Variants in CARD10 observed in about 807,000 individuals in gnomAD.
The protein encoded by CARD10 is caspase recruitment domain family member 10.
CARD10 carries 49 observed loss-of-function variants against 114.6 expected under a neutral mutation model. That is an observed-to-expected ratio of 0.43 (90% CI 0.34 to 0.54). CARD10 has a LOEUF of 0.54. Among genes scored for constraint, CARD10 ranks in the 20% least tolerant of loss-of-function variants. CARD10 has a pLI of 0.03. For missense variants in CARD10, 1,206 were observed against 1,397.2 expected (o/e 0.86, Z 2.18); for synonymous variants, 602 against 593.2 (o/e 1.01, Z -0.21).
chr22:37,512,464 TCCACACACACACACACAC>T (rs1923690579), intron 3 of CARD10, among the ~76,000 whole-genome samples: 1 of 43,152 alleles, frequency 2.3e-5, no homozygotes. Flanking sequence ...CAGCCCCCCC[TCCACACACACACACACAC>T]ACACACACAC....
At position 37,492,834 on chromosome 22, in the gene CARD10, G is replaced by A. The variant is rs1601807323; in HGVS notation, c.2477-32C>T. 6.3e-7 allele frequency: 1 copy of A among 1,599,142 alleles called. No individual in the cohort carries two copies. ...CAGGGGAGGGGCGCAAAAGAGATAAGGGCACAGGCAGGCAGCATACCAGCT... is the reference window on the plus strand; with the variant it reads ...CAGGGGAGGGGCGCAAAAGAGATAAAGGCACAGGCAGGCAGCATACCAGCT... On this transcript the variant is annotated intron_variant, in intron 16 of 19. Transcript: ENST00000251973. This position sits in a 1 kb window ranked among gnomAD's most constrained non-coding sequence, Gnocchi z 5.7.
intron 11 of CARD10, among the ~76,000 whole-genome samples, chr22:37,499,267 TC>T (rs1923126009): frequency 6.6e-6 from 1 of 151,682 alleles, no homozygotes; most frequent in Admixed American, 6.6e-5. Context: ...TCCACCCACC[TC>T]CCTGGCTACT....
At chr22:37,491,596 GGAGAA>G (rs1922790128) in intron 19 of CARD10, among the ~76,000 whole-genome samples, 154 bp downstream of exon 19, 1 of 654 alleles carries the variant, frequency 1.5e-3, no homozygotes. Flanking sequence ...AGAGAGAGGG[GGAGAA>G]GGAGGGGGGA....
At chr22:37,506,801 A>G (rs1477263440) in intron 6 of CARD10, among the ~76,000 whole-genome samples, 1 of 152,202 alleles carries the variant, frequency 6.6e-6, no homozygotes, top group Non-Finnish European at 1.5e-5. Flanking sequence ...AGTGAAGACC[A>G]GGGGCTCCAG....
intron 11 of CARD10, among the ~76,000 whole-genome samples, chr22:37,500,895 T>C (rs1354523265): frequency 6.6e-6 from 1 of 151,920 alleles, no homozygotes; most frequent in East Asian, 1.9e-4. Context: ...GAAGGGATAC[T>C]CAAACCCCCA....
Position 37,492,904 on chromosome 22 carries a change from T to A in CARD10, c.2477-102A>T. 1 of 1,252,140 alleles carries A rather than the reference T, an allele frequency of 8.0e-7. No individual in the cohort carries two copies. The highest frequency in any genetic ancestry group is 1.1e-6 in the Non-Finnish European group (1 of 908,760). The allele number at this position is 1,252,140 out of a possible 1,614,324, so 77.6% of individuals were successfully genotyped here. The stretch of plus-strand genomic sequence containing the variant: ...ACCCCGCCACCCATCCCTTCCTAAG[T>A]CCTGCTGCTGCTCCTCCTACACATG... On this transcript the variant is annotated intron_variant, in intron 16 of 19. Transcript: ENST00000251973. The surrounding 1 kb of genome is among the most constrained non-coding windows in gnomAD (Gnocchi z 5.7).
rs367987784 is a variant in CARD10, at chr22:37,492,571, G to C, written c.2636-21C>G. ...GCTTTCTGCACAGGGAGTGGAGAGGGAGAGATGAAGGATCCATGGGCCCGG... is the reference window on the plus strand; with the variant it reads ...GCTTTCTGCACAGGGAGTGGAGAGGCAGAGATGAAGGATCCATGGGCCCGG... On this transcript the variant is annotated intron_variant, in intron 17 of 19. Coordinates refer to ENST00000251973, the MANE Select transcript of CARD10 (RefSeq NM_014550.4). The surrounding 1 kb of genome is among the most constrained non-coding windows in gnomAD (Gnocchi z 5.7). 3 of 1,602,886 alleles carry C rather than the reference G, an allele frequency of 1.9e-6. No individual in the cohort carries two copies. In the South Asian group the frequency reaches 3.3e-5, roughly 18 times the overall value.
At chr22:37,517,906 G>C in intron 2 of CARD10, 65 bp downstream of exon 2, 2 of 1,576,338 alleles carry the variant, frequency 1.3e-6, no homozygotes, top group East Asian at 2.3e-5. Context: ...CTCCCTAACA[G>C]GGATGGGGAA....
At chr22:37,495,644 C>A in intron 14 of CARD10, 58 bp from the exon 15 acceptor site, 1 of 1,611,148 alleles carries the variant, frequency 6.2e-7, no homozygotes, top group South Asian at 1.1e-5. Context: ...CATTTCTCCT[C>A]GAACCCCCCG....
At position 37,491,750 on chromosome 22, in the gene CARD10, C is replaced by T. The variant is rs2145749891; in HGVS notation, c.2864+5G>A. On this transcript the variant is annotated splice_donor_5th_base_variant and intron_variant, in intron 19 of 19. Coordinates refer to ENST00000251973, the MANE Select transcript of CARD10 (RefSeq NM_014550.4). The stretch of plus-strand genomic sequence containing the variant: ...CCTGCCCACTGCCCCACCCACCCAC[C>T]TCACCTGACTTCCCGGACATTCTTC... 7.4e-7 allele frequency: 1 copy of T among 1,352,656 alleles called. No individual in the cohort carries two copies. 83.8% of individuals were successfully genotyped at this position (1,352,656 alleles called of 1,614,324 possible).
In CARD10 at chr22:37,507,829, C is replaced by T. The variant is rs1923464872; in HGVS notation, c.1191G>A (p.Gln397=). 6 of 1,614,044 alleles carry T rather than the reference C, an allele frequency of 3.7e-6. No individual in the cohort carries two copies. The highest frequency in any genetic ancestry group is 5.1e-6 in the Non-Finnish European group (6 of 1,179,994). ...QLEEIEKERD[Q]AIQSRDRIQL... ...CCTCGTACACGCAGGCTGGGCTCAC[C>T]TGGTCTCGCTCCTTCTCAATCTCCT... Residue 397 remains glutamine (Q), a splice_region_variant and synonymous_variant, in exon 6 of 20, where the codon CAG becomes CAA. Coordinates refer to ENST00000251973, the MANE Select transcript of CARD10 (RefSeq NM_014550.4).
At chr22:37,508,482 C>T in intron 5 of CARD10, 45 bp downstream of exon 5, 1 of 1,538,438 alleles carries the variant, frequency 6.5e-7, no homozygotes, top group Non-Finnish European at 8.7e-7. Flanking sequence ...CAGGCCCTGC[C>T]TGACACCCTC....
chr22:37,497,385 C>A, intron 11 of CARD10: 1 of 613,128 alleles, frequency 1.6e-6, no homozygotes, highest in Non-Finnish European at 2.8e-6. Context: ...AGCAGCCTCT[C>A]CCCTGGACCT....
Position 37,491,317 on chromosome 22 carries a change from C to T in CARD10, c.2941G>A (p.Gly981Arg), listed in dbSNP as rs1463901551. The T allele has an allele frequency of 6.4e-7, 1 of 1,561,794 alleles. No individual in the cohort carries two copies. The highest frequency in any genetic ancestry group is 1.2e-5 in the South Asian group (1 of 85,652). The change falls in exon 20 of 20, where the codon GGG becomes AGG. Residue 981 changes from glycine (G) to arginine (R), a missense_variant. Gly to Arg is a moderately radical substitution (Grantham distance 125, BLOSUM62 -2). Coordinates refer to ENST00000251973, the MANE Select transcript of CARD10 (RefSeq NM_014550.4). ...ACCTGCACCCAGGAGCAGGGCAGCC[C>T]CCAGAGCACCTGCTCTGAGCCACGG... Reference protein sequence around the residue: ...QCRGSEQVLWGLPCSWVQVPA... With the variant: ...QCRGSEQVLWRLPCSWVQVPA...
chr22:37,508,341 C>G (rs929401472), intron 5 of CARD10, among the ~76,000 whole-genome samples, 186 bp downstream of exon 5: 20 of 152,230 alleles, frequency 1.3e-4, no homozygotes, highest in African/African-American at 4.6e-4. Context: ...AAGGAAAAGG[C>G]ACCTTTGTTT....
In CARD10 at chr22:37,492,683, G is replaced by C; in HGVS notation, c.2596C>G (p.Leu866Val). 2 of 1,613,170 alleles carry C rather than the reference G, an allele frequency of 1.2e-6. No individual in the cohort carries two copies. The highest frequency in any genetic ancestry group is 1.7e-6 in the Non-Finnish European group (2 of 1,179,910). ...TGGAAGTCCAGCCGGGAGCTGGGCAGGTCTAGCAGGTTACGGATGAGCCGG... is the reference window on the plus strand; with the variant it reads ...TGGAAGTCCAGCCGGGAGCTGGGCACGTCTAGCAGGTTACGGATGAGCCGG... Reference protein sequence around the residue: ...APRLIRNLLDLPSSRLDFQVC... With the variant: ...APRLIRNLLDVPSSRLDFQVC... The change falls in exon 17 of 20, where the codon CTG becomes GTG. Residue 866 changes from leucine (L) to valine (V), a missense_variant. Physicochemically the swap from Leu to Val is conservative, Grantham distance 32 (BLOSUM62 1). Coordinates refer to ENST00000251973, the MANE Select transcript of CARD10 (RefSeq NM_014550.4). The surrounding 1 kb of genome is among the most constrained non-coding windows in gnomAD (Gnocchi z 5.7).
intron 15 of CARD10, 105 bp downstream of exon 15, chr22:37,495,411 GA>G: frequency 1.2e-6 from 1 of 805,682 alleles, no homozygotes. Flanking sequence ...ACCAGGGAAG[GA>G]GGGAGGGAGT....
At position 37,497,117 on chromosome 22, in the gene CARD10, C is replaced by T. The variant is rs773974916; in HGVS notation, c.1849G>A (p.Gly617Arg). ...CCATAAAACGACAGTCCATCTGGTC[C>T]CTTGTCCTGCGGCTCTGGGCCCCCT... ...PPGGPEPQDK[G>R]PDGLSFYGDR... Residue 617 changes from glycine (G) to arginine (R), a missense_variant, in exon 12 of 20, where the codon GGA becomes AGA. This residue lies in a region of CARD10 where 1,068 missense variants were observed against 1,179.1 expected (regional missense o/e 0.91). Transcript: ENST00000251973. 6.2e-7 allele frequency: 1 copy of T among 1,614,258 alleles called. No individual in the cohort carries two copies. The highest frequency in any genetic ancestry group is 8.5e-7 in the Non-Finnish European group (1 of 1,180,050).
At position 37,516,187 on chromosome 22, in the gene CARD10, C is replaced by A. The variant is rs749981577; in HGVS notation, c.485G>T (p.Arg162Leu). 6.3e-7 allele frequency: 1 copy of A among 1,591,792 alleles called. No individual in the cohort carries two copies. The change falls in exon 3 of 20, where the codon CGG becomes CTG. Residue 162 changes from arginine to leucine, a missense_variant. Transcript: ENST00000251973. ...QREQQLQARG[R>L]VLEEERAGLE... ...CCCTGCCCGCTCCTCCTCGAGCACC[C>A]GGCCCCGGGCCTGCAGTTGCTGCTC... is the stretch of plus-strand genomic sequence containing the variant.
Sources: allele counts gnomAD v4.1 joint callset (sites outside exome capture counted in the v4.1 genomes callset), GRCh38; gene constraint gnomAD v4.1.1; regional missense constraint gnomAD v4.1.1; non-coding constraint Gnocchi (gnomAD v3.1); transcripts MANE v1.5; gene names NCBI Gene and HGNC (gene_info 2026-07-23, HGNC 2026-07-21).